LY75: variants seen among roughly 807,000 people sequenced by gnomAD.
LY75 encodes the protein C-type lectin domain family 13 member B.
A neutral mutation model predicts 231.7 loss-of-function variants in LY75; 185 were observed. The ratio of observed to expected loss-of-function variants is 0.80; its 90% CI spans 0.71 to 0.90. The LOEUF (loss-of-function observed/expected upper bound fraction) is 0.90. Among genes scored for constraint, LY75 ranks in the 40% least tolerant of loss-of-function variants. LY75 has a pLI of 0.00. For synonymous variants in LY75, 668 were observed against 689.0 expected (o/e 0.97, Z 0.48); for missense variants, 1,947 against 2,050.2 (o/e 0.95, Z 0.97).
chr2:159,825,266 T>C (rs1683425707), intron 28 of LY75, among the ~76,000 whole-genome samples: 2 of 152,110 alleles, frequency 1.3e-5, no homozygotes, highest in African/African-American at 2.4e-5. Context: ...TAAAAAATGA[T>C]ATAGGGGATA....
intron 17 of LY75, 102 bp from the exon 18 acceptor site, chr2:159,854,637 T>C: frequency 1.5e-6 from 2 of 1,377,714 alleles, no homozygotes; most frequent in Non-Finnish European, 2.0e-6. Flanking sequence ...TAATTCAGAT[T>C]ACCGGCCCTC....
At position 159,874,512 on chromosome 2, in the gene LY75, ATAT is replaced by A. The variant is rs1218210461; in HGVS notation, c.1974+929_1974+931del. Among the ~76,000 whole-genome samples the A allele has an allele frequency of 3.6e-3, 348 of 95,558 alleles. 46 individuals are homozygous for A. The Middle Eastern group carries it at 0.058, about 16-fold the overall frequency. The allele number at this position is 95,558 out of a possible 152,430, so 62.7% of individuals were successfully genotyped here. ...GTACATATTTTGTAAATCTATATAA[ATAT>A]GTACATATTTTGTAAATCTATATAA... On this transcript the variant is annotated intron_variant, in intron 12 of 34. Coordinates refer to ENST00000263636, the MANE Select transcript of LY75 (RefSeq NM_002349.4).
Position 159,804,842 on chromosome 2 carries a change from C to T in LY75, c.*202G>A. On this transcript the variant is annotated 3_prime_UTR_variant, in exon 35 of 35. Coordinates refer to ENST00000263636, the MANE Select transcript of LY75 (RefSeq NM_002349.4). ...GACTTCAGTTCCAGCTTTGGAGTCC[C>T]CTCCATTCTATTAATTAGGGTGATA... 9.1e-6 allele frequency: 4 copies of T among 437,932 alleles called. No homozygotes were observed. Among genetic ancestry groups the T allele is most frequent in the South Asian group, 6.1e-5 (2 of 32,802 alleles). The allele number at this position is 437,932 out of a possible 1,614,324, so 27.1% of individuals were successfully genotyped here.
rs367988981 is a variant in LY75 at position 159,886,560 on chromosome 2, G to A, written c.803-30C>T. The A allele has an allele frequency of 3.1e-5, 49 of 1,565,502 alleles. 1 individual carries two copies. The highest frequency in any genetic ancestry group is 4.0e-5 in the Non-Finnish European group (46 of 1,159,010). Reference sequence around the variant, plus strand: ...AAGAATTAAAAAATTTTTAAAAAGTGACAAAGTTGCCTAAGTTATTATCTA... The same window carrying A: ...AAGAATTAAAAAATTTTTAAAAAGTAACAAAGTTGCCTAAGTTATTATCTA... On this transcript the variant is annotated intron_variant, in intron 4 of 34. Transcript: ENST00000263636.
chr2:159,807,274 T>C, intron 33 of LY75, 134 bp from the exon 34 acceptor site: 2 of 1,114,060 alleles, frequency 1.8e-6, no homozygotes, highest in East Asian at 2.7e-5. Flanking sequence ...GCATTAAAAA[T>C]GAAAAAAATA....
chr2:159,832,935 G>A (rs1406904446), intron 27 of LY75, among the ~76,000 whole-genome samples: 4 of 152,122 alleles, frequency 2.6e-5, no homozygotes, highest in Non-Finnish European at 4.4e-5. Flanking sequence ...AATCCTTAGT[G>A]GATCTCATAG....
intron 28 of LY75, among the ~76,000 whole-genome samples, chr2:159,827,019 TG>T (rs1308256798): frequency 1.3e-5 from 2 of 152,150 alleles, no homozygotes; most frequent in Non-Finnish European, 2.9e-5. Flanking sequence ...GAAGGAAACC[TG>T]GGCAATACCA....
chr2:159,876,997 G>A (rs1361598915), intron 11 of LY75, among the ~76,000 whole-genome samples: 3 of 82,420 alleles, frequency 3.6e-5, no homozygotes, highest in African/African-American at 5.0e-5. Context: ...CAAGAGGAGC[G>A]AAACTCCATC....
At chr2:159,821,578 T>C (rs4665121) in intron 28 of LY75, among the ~76,000 whole-genome samples, 23,727 of 146,700 alleles carry the variant, frequency 0.16, 2,203 homozygotes, top group East Asian at 0.31. Context: ...ATCATGCCAC[T>C]GCACCACTTC....
Position 159,872,465 on chromosome 2 carries a change from T to C in LY75, c.2103A>G (p.Leu701=). The C allele has an allele frequency of 6.2e-7, 1 of 1,613,826 alleles. No homozygotes were observed. The highest frequency in any genetic ancestry group is 8.5e-7 in the Non-Finnish European group (1 of 1,179,840). The change falls in exon 13 of 35, where the codon TTA becomes TTG. Residue 701 remains leucine (L), a synonymous_variant. Coordinates refer to ENST00000263636, the MANE Select transcript of LY75 (RefSeq NM_002349.4). ...VDEIKEFLHF[L]TDQFSGQHWL... The stretch of plus-strand genomic sequence containing the variant: ...TAAAGTATTACCTGAACTGGTCCGT[T>C]AAAAAGTGAAGAAATTCCTTTATTT...
chr2:159,865,379 C>T (rs1189480831), intron 13 of LY75, among the ~76,000 whole-genome samples: 2 of 152,026 alleles, frequency 1.3e-5, no homozygotes, highest in Non-Finnish European at 2.9e-5. Context: ...TAAGTTTAAA[C>T]AAGCATTTGA....
intron 20 of LY75, among the ~76,000 whole-genome samples, chr2:159,852,581 GC>G (rs1226444670): frequency 6.6e-6 from 1 of 151,968 alleles, no homozygotes; most frequent in Non-Finnish European, 1.5e-5. Context: ...GCCACACCTG[GC>G]TAATTTTTGT....
At chr2:159,829,503 T>C (rs1479252791) in intron 28 of LY75, among the ~76,000 whole-genome samples, 1 of 152,212 alleles carries the variant, frequency 6.6e-6, no homozygotes, top group African/African-American at 2.4e-5. Flanking sequence ...ACAAACTTCT[T>C]TGGGTAGGTG....
At chr2:159,884,646 G>A (rs1238241758) in intron 6 of LY75, among the ~76,000 whole-genome samples, 2 of 152,170 alleles carry the variant, frequency 1.3e-5, no homozygotes, top group Non-Finnish European at 2.9e-5. Flanking sequence ...TATAGGTTTT[G>A]CCTCATTACG....
At chr2:159,848,089 T>C (rs201210181) in intron 23 of LY75, among the ~76,000 whole-genome samples, 13 of 45,108 alleles carry the variant, frequency 2.9e-4, no homozygotes, top group East Asian at 1.8e-3. Flanking sequence ...TATATATATA[T>C]ATATACACAC....
At chr2:159,842,196 T>C in intron 24 of LY75, 49 bp downstream of exon 24, 2 of 1,577,404 alleles carry the variant, frequency 1.3e-6, no homozygotes, top group Non-Finnish European at 1.7e-6. Flanking sequence ...TCTATATATA[T>C]ATATGTAATA....
At chr2:159,865,430 T>C (rs1684830253) in intron 13 of LY75, among the ~76,000 whole-genome samples, 1 of 152,082 alleles carries the variant, frequency 6.6e-6, no homozygotes, top group Non-Finnish European at 1.5e-5. Context: ...GAAAAATAAA[T>C]TAAGCAATAA....
At chr2:159,875,705 T>C in intron 11 of LY75, 62 bp from the exon 12 acceptor site, 3 of 1,593,712 alleles carry the variant, frequency 1.9e-6, no homozygotes, top group Non-Finnish European at 1.7e-6. Flanking sequence ...CATTTTCTAG[T>C]GTTTCTACTC....
chr2:159,900,970 CTGAGA>C (rs1686058631), intron 1 of LY75, among the ~76,000 whole-genome samples: 1 of 152,118 alleles, frequency 6.6e-6, no homozygotes, highest in African/African-American at 2.4e-5. Flanking sequence ...TCCCAAGTAG[CTGAGA>C]TTACAGGTGC....
Sources: gnomAD v4.1 joint callset for allele counts (sites outside exome capture counted in the v4.1 genomes callset) on GRCh38, gnomAD v4.1.1 for gene constraint, MANE v1.5 for transcripts, NCBI Gene and HGNC (gene_info 2026-07-23, HGNC 2026-07-21) for gene names.